The following DIP2A variants were observed in gnomAD, a reference collection of about 807,000 sequenced individuals.
The protein encoded by DIP2A is DIP2 acetate--CoA ligase A, also known as disco-interacting protein 2 homolog A.
In DIP2A, 85 loss-of-function variants were observed where a neutral mutation model predicts 177.4. The ratio of observed to expected loss-of-function variants is 0.48; its 90% CI spans 0.40 to 0.57. The LOEUF is 0.57. Ranked by LOEUF, DIP2A falls within the 20% of genes least tolerant of loss-of-function variation. The pLI is 0.00. For synonymous variants in DIP2A, 886 were observed against 881.8 expected, an observed-to-expected ratio of 1.00 and a Z score of -0.08; for missense variants, 1,791 against 2,100.2, an observed-to-expected ratio of 0.85 and a Z score of 2.88.
chr21:46,483,330 CACTA>C (rs1178713362), intron 1 of DIP2A, among the ~76,000 whole-genome samples: 2 of 141,460 alleles, frequency 1.4e-5, no homozygotes. Flanking sequence ...GTCTAAAAGA[CACTA>C]AATGCAAAAA....
the DIP2A span, among the ~76,000 whole-genome samples, chr21:46,582,674 T>A: frequency 6.6e-6 from 1 of 151,786 alleles, no homozygotes; most frequent in Non-Finnish European, 1.5e-5. Context: ...CCTGGGTACC[T>A]CAGCTGAAGG....
chr21:46,541,272 G>T (rs141029357), intron 17 of DIP2A, among the ~76,000 whole-genome samples: 4 of 152,136 alleles, frequency 2.6e-5, no homozygotes, highest in African/African-American at 9.7e-5. Flanking sequence ...GAAGGCCTCT[G>T]CCAGGTGGTT....
At chr21:46,463,115 C>T (rs943060428) in intron 1 of DIP2A, 3 of 152,206 alleles carry the variant, frequency 2.0e-5, no homozygotes, top group Admixed American at 6.5e-5. Flanking sequence ...TACATGGAAC[C>T]CCACTCTTCT....
chr21:46,459,517 G>A (rs1248835171), intron 1 of DIP2A, among the ~76,000 whole-genome samples: 1 of 109,538 alleles, frequency 9.1e-6, no homozygotes, highest in African/African-American at 3.3e-5. Context: ...TTACCCCCGG[G>A]AACTCCCGCC....
At chr21:46,561,711 G>A (rs1192677577) in intron 33 of DIP2A, 37 bp from the exon 34 acceptor site, 3 of 1,613,164 alleles carry the variant, frequency 1.9e-6, no homozygotes, top group African/African-American at 1.3e-5. Context: ...TACCTGTGTA[G>A]TAAATTTTGT....
At chr21:46,461,354 A>G (rs890852058) in intron 1 of DIP2A, among the ~76,000 whole-genome samples, 2 of 150,772 alleles carry the variant, frequency 1.3e-5, no homozygotes, top group African/African-American at 4.9e-5. Flanking sequence ...CAGTCTGACA[A>G]ACTTAAATTA....
chr21:46,580,523 T>C, the DIP2A span, among the ~76,000 whole-genome samples: 1 of 152,328 alleles, frequency 6.6e-6, no homozygotes, highest in South Asian at 2.1e-4. Flanking sequence ...CTTATTAATG[T>C]AGTTGCTTCA....
At position 46,498,495 on chromosome 21, in the gene DIP2A, G is replaced by A; in HGVS notation, c.404-87G>A. The A allele has an allele frequency of 1.3e-6, 2 of 1,498,038 alleles. No homozygotes were observed. The highest frequency in any genetic ancestry group is 2.5e-5 in the South Asian group (2 of 79,574). The allele number at this position is 1,498,038 out of a possible 1,614,324, so 92.8% of individuals were successfully genotyped here. A position where few individuals can be genotyped will look rare whatever the true frequency, so the allele number is the denominator to read the frequency against. ...GTGTACAGAAGCATGCTGCACACAGGTCTGGGAGGCTCCAGTGTGAGTGGG... is the reference window on the plus strand; with the variant it reads ...GTGTACAGAAGCATGCTGCACACAGATCTGGGAGGCTCCAGTGTGAGTGGG... On this transcript the variant is annotated intron_variant, in intron 4 of 37. Coordinates refer to ENST00000417564, the MANE Select transcript of DIP2A (RefSeq NM_015151.4). This position sits in a 1 kb window ranked among gnomAD's most constrained non-coding sequence, Gnocchi z 4.3.
intron 25 of DIP2A, among the ~76,000 whole-genome samples, chr21:46,552,450 T>C (rs1282913957): frequency 6.6e-6 from 1 of 152,206 alleles, no homozygotes; most frequent in East Asian, 1.9e-4. Flanking sequence ...AGCTGTAATC[T>C]TCATATTCAG....
At chr21:46,484,502 T>C (rs766746505) in intron 1 of DIP2A, among the ~76,000 whole-genome samples, 39 of 152,338 alleles carry the variant, frequency 2.6e-4, no homozygotes, top group Non-Finnish European at 4.6e-4. Context: ...GAGTATTCAG[T>C]AGCCTTTTGA....
At chr21:46,540,038 C>T in intron 17 of DIP2A, 47 bp downstream of exon 17, 1 of 1,469,222 alleles carries the variant, frequency 6.8e-7, no homozygotes, top group Non-Finnish European at 9.5e-7. Flanking sequence ...GTTGAATCTT[C>T]TGCATACAGC....
At chr21:46,474,214 C>G (rs1239547183) in intron 1 of DIP2A, among the ~76,000 whole-genome samples, 3 of 152,110 alleles carry the variant, frequency 2.0e-5, no homozygotes, top group African/African-American at 4.8e-5. Context: ...TGGTGCTGCT[C>G]ACGAAGACGT....
intron 1 of DIP2A, among the ~76,000 whole-genome samples, chr21:46,471,334 T>C (rs373787391): frequency 1.3e-5 from 2 of 152,296 alleles, no homozygotes; most frequent in East Asian, 3.9e-4. Flanking sequence ...CCTGGCCTTA[T>C]TTGTTTTTGT....
Position 46,534,608 on chromosome 21 carries a change from T to C in DIP2A, c.1563T>C (p.Ser521=). Residue 521 remains serine (S), a synonymous_variant, in exon 13 of 38, where the codon AGT becomes AGC. Coordinates refer to ENST00000417564, the MANE Select transcript of DIP2A (RefSeq NM_015151.4). ...AGTATAAAACCAGCAAAGAAGGCAGTACGGTGGGGGTCACAGTGTCCCACG... is the reference window on the plus strand; with the variant it reads ...AGTATAAAACCAGCAAAGAAGGCAGCACGGTGGGGGTCACAGTGTCCCACG... ...YIEYKTSKEG[S]TVGVTVSHAS... is the part of the protein sequence containing the mutation. 1 of 1,613,614 alleles carries C rather than the reference T, an allele frequency of 6.2e-7. No homozygotes were observed. Among genetic ancestry groups the C allele is most frequent in the Non-Finnish European group, 8.5e-7 (1 of 1,179,886 alleles).
rs555196191 is a variant in DIP2A at position 46,507,669 on chromosome 21, C to CT, written c.785-1577dup. On this transcript the variant is annotated intron_variant, in intron 6 of 37. Transcript: ENST00000417564. ...ATACAGTTTGAGTCCTCCAACTCTG[C>CT]TTTTTTTTTTTAATTTTCTGTTCTT... 1.4e-3 allele frequency among the ~76,000 whole-genome samples: 103 copies of CT among 72,940 alleles called. 1 individual carries two copies. The South Asian group carries it at 0.021, about 15-fold the overall frequency. 47.9% of individuals were successfully genotyped at this position (72,940 alleles called of 152,430 possible).
chr21:46,515,968 T>C (rs1279676009), intron 8 of DIP2A, among the ~76,000 whole-genome samples: 3 of 152,242 alleles, frequency 2.0e-5, no homozygotes, highest in Non-Finnish European at 4.4e-5. Flanking sequence ...ACTTCCTGTA[T>C]GTTCGTTATA....
At position 46,563,532 on chromosome 21, in the gene DIP2A, C is replaced by T. The variant is rs2060737583; in HGVS notation, c.4090-326C>T. The T allele has an allele frequency of 6.8e-6, 2 of 296,186 alleles. No individual in the cohort carries two copies. The highest frequency in any genetic ancestry group is 1.5e-4 in the East Asian group (2 of 13,212). 18.3% of individuals were successfully genotyped at this position (296,186 alleles called of 1,614,324 possible). On this transcript the variant is annotated intron_variant, in intron 34 of 37. Coordinates refer to ENST00000417564, the MANE Select transcript of DIP2A (RefSeq NM_015151.4). The surrounding 1 kb of genome is among the most constrained non-coding windows in gnomAD (Gnocchi z 4.3). The stretch of plus-strand genomic sequence containing the variant: ...TGCAGGGCTGGGCACAGCAGGGTCA[C>T]TGCACCCCTGGATGGATGCCCATCA...
At chr21:46,583,207 T>A in the DIP2A span, among the ~76,000 whole-genome samples, 1 of 152,198 alleles carries the variant, frequency 6.6e-6, no homozygotes, top group East Asian at 1.9e-4. Flanking sequence ...ATTACAAATA[T>A]GTATGCACCC....
rs1251217771 is a variant in DIP2A at position 46,568,297 on chromosome 21, G to A, written c.*675G>A. The A allele has an allele frequency of 6.6e-6, 1 of 152,248 alleles. No individual in the cohort carries two copies. The highest frequency in any genetic ancestry group is 6.5e-5 in the Admixed American group (1 of 15,280). The allele number at this position is 152,248 out of a possible 1,614,324, so 9.4% of individuals were successfully genotyped here. On this transcript the variant is annotated 3_prime_UTR_variant, in exon 38 of 38. Coordinates refer to ENST00000417564, the MANE Select transcript of DIP2A (RefSeq NM_015151.4). ...GCACTTTGGGAGGCCGAGGCGAGCAGATCACGAGGTCAGGAGACCGAGACC... is the reference window on the plus strand; with the variant it reads ...GCACTTTGGGAGGCCGAGGCGAGCAAATCACGAGGTCAGGAGACCGAGACC...
Sources: allele counts gnomAD v4.1 joint callset (sites outside exome capture counted in the v4.1 genomes callset), GRCh38; gene constraint gnomAD v4.1.1; non-coding constraint Gnocchi (gnomAD v3.1); transcripts MANE v1.5; gene names NCBI Gene and HGNC (gene_info 2026-07-23, HGNC 2026-07-21).